The following SHPK variants were observed in gnomAD, a reference collection of about 807,000 sequenced individuals.
SHPK encodes the protein sedoheptulokinase, also known as carbohydrate kinase-like protein.
A neutral mutation model predicts 46.3 loss-of-function variants in SHPK; 51 were observed. The ratio of observed to expected loss-of-function variants is 1.10; its 90% CI spans 0.88 to 1.39. The LOEUF is 1.39. Ranked by LOEUF, SHPK falls within the 40% of genes most tolerant of loss-of-function variation. SHPK has a pLI of 0.00. For missense variants in SHPK, 668 were observed against 641.3 expected, an observed-to-expected ratio of 1.04 and a Z score of -0.45; for synonymous variants, 290 against 273.9, an observed-to-expected ratio of 1.06 and a Z score of -0.58.
At chr17:3,632,315 G>A (rs935457363) in intron 1 of SHPK, among the ~76,000 whole-genome samples, 10 of 152,182 alleles carry the variant, frequency 6.6e-5, no homozygotes, top group Admixed American at 2.0e-4. Context: ...TGGGCGCAGC[G>A]GCTCACGCCT....
Position 3,621,150 on chromosome 17 carries a change from CTG to C in SHPK, c.823+85_823+86del, listed in dbSNP as rs1052646741. 1.9e-5 allele frequency: 22 copies of C among 1,133,982 alleles called. No individual in the cohort carries two copies. In the African/African-American group the frequency reaches 3.3e-4, roughly 17 times the overall value. 70.2% of individuals were successfully genotyped at this position (1,133,982 alleles called of 1,614,324 possible). On this transcript the variant is annotated intron_variant, in intron 5 of 6. Transcript: ENST00000225519. ...AGCAGGATGCCAAGACTGCTAAGCT[CTG>C]TGTGCCCTGCAGACTCGCACAGAGC...
intron 1 of SHPK, among the ~76,000 whole-genome samples, chr17:3,635,751 C>G (rs186130275): frequency 6.6e-6 from 1 of 152,172 alleles, no homozygotes; most frequent in South Asian, 2.1e-4. Flanking sequence ...GAGATCAGTT[C>G]CTCCAAGGTC....
chr17:3,612,695 G>C (rs1346547295), intron 6 of SHPK, among the ~76,000 whole-genome samples: 1 of 151,790 alleles, frequency 6.6e-6, no homozygotes, highest in African/African-American at 2.4e-5. Context: ...CCTAGACCTA[G>C]GGCTTCTCCA....
chr17:3,619,463 G>A (rs542728562), intron 5 of SHPK: 37 of 1,147,034 alleles, frequency 3.2e-5, no homozygotes, highest in Admixed American at 2.3e-4. Context: ...GGCCGGGCAC[G>A]ATGGCTCACA....
In SHPK at chr17:3,609,223, A is replaced by T. The variant is rs2075320576; in HGVS notation, c.*1337T>A. The T allele has an allele frequency of 6.6e-6, 1 of 152,174 alleles. No homozygotes were observed. Among genetic ancestry groups the T allele is most frequent in the African/African-American group, 2.4e-5 (1 of 41,448 alleles). The allele number at this position is 152,174 out of a possible 1,614,324, so 9.4% of individuals were successfully genotyped here. A position where few individuals can be genotyped will look rare whatever the true frequency, so the allele number is the denominator to read the frequency against. ...TAGTATCTGACATTTGGCCAGAGTG[A>T]TCAGGCATTTGCTCTCATCTTAGAG... On this transcript the variant is annotated 3_prime_UTR_variant, in exon 7 of 7. Coordinates refer to ENST00000225519, the MANE Select transcript of SHPK (RefSeq NM_013276.4).
intron 1 of SHPK, among the ~76,000 whole-genome samples, chr17:3,635,619 G>A (rs1042303940): frequency 2.4e-4 from 37 of 152,198 alleles, no homozygotes; most frequent in Non-Finnish European, 4.4e-4. Context: ...GATTTCCGGA[G>A]GAAAACCCAG....
intron 4 of SHPK, among the ~76,000 whole-genome samples, chr17:3,621,757 A>T (rs1256115537): frequency 1.3e-5 from 2 of 151,466 alleles, no homozygotes; most frequent in Non-Finnish European, 2.9e-5. Context: ...GGTTCAAGCA[A>T]TTCTCCTGCC....
intron 6 of SHPK, among the ~76,000 whole-genome samples, chr17:3,612,143 A>G (rs1233738246): frequency 2.0e-5 from 3 of 151,918 alleles, no homozygotes; most frequent in African/African-American, 7.2e-5. Context: ...AAAAAAAAAA[A>G]AGGCCAAGCG....
At chr17:3,630,065 A>T in intron 2 of SHPK, 140 bp downstream of exon 2, 1 of 1,031,762 alleles carries the variant, frequency 9.7e-7, no homozygotes, top group Non-Finnish European at 1.5e-6. Flanking sequence ...AGGAGGCAGC[A>T]CGTATTCGTC....
At chr17:3,628,217 T>G (rs1488377477) in intron 2 of SHPK, among the ~76,000 whole-genome samples, 2 of 152,164 alleles carry the variant, frequency 1.3e-5, no homozygotes, top group Non-Finnish European at 2.9e-5. Context: ...GCTTAAAATG[T>G]TGATCTGTAG....
At chr17:3,621,500 CTCCAT>C (rs1278293840) in intron 4 of SHPK, 88 bp from the exon 5 acceptor site, 9 of 1,222,190 alleles carry the variant, frequency 7.4e-6, no homozygotes, top group African/African-American at 6.1e-5. Flanking sequence ...CCTTCCTTCT[CTCCAT>C]TCCTCCCTCC....
intron 2 of SHPK, among the ~76,000 whole-genome samples, chr17:3,628,557 G>A (rs1355705475): frequency 1.3e-5 from 2 of 152,014 alleles, no homozygotes; most frequent in South Asian, 2.1e-4. Flanking sequence ...TCCTGACCTC[G>A]TGATCTGCCC....
In SHPK at chr17:3,610,250, A is replaced by AGAT. The variant is rs2075328057; in HGVS notation, c.*307_*309dup. 3.2e-6 allele frequency: 1 copy of AGAT among 313,284 alleles called. No homozygotes were observed. Among genetic ancestry groups the AGAT allele is most frequent in the Non-Finnish European group, 6.1e-6 (1 of 165,214 alleles). 19.4% of individuals were successfully genotyped at this position (313,284 alleles called of 1,614,324 possible). A position where few individuals can be genotyped will look rare whatever the true frequency, so the allele number is the denominator to read the frequency against. On this transcript the variant is annotated 3_prime_UTR_variant, in exon 7 of 7. Transcript: ENST00000225519. ...TGCTCTCTGTCTACAGGTGAACCAC[A>AGAT]GATGAGCCTGCTGACCAGCAGGCTG... is the stretch of plus-strand genomic sequence containing the variant.
rs571235416 is a variant in SHPK at position 3,614,251 on chromosome 17, G to A, written c.1024+1086C>T. ...AAGAAATGCCTACATCAGGGCGAGC[G>A]CAGTGGCTCACGCCTGTAATCCCAG... On this transcript the variant is annotated intron_variant, in intron 6 of 6. Coordinates refer to ENST00000225519, the MANE Select transcript of SHPK (RefSeq NM_013276.4). Among the ~76,000 whole-genome samples the A allele has an allele frequency of 5.3e-5, 8 of 152,118 alleles. No homozygotes were observed. In the East Asian group the frequency reaches 5.8e-4, roughly 11 times the overall value.
intron 1 of SHPK, among the ~76,000 whole-genome samples, chr17:3,635,035 G>A (rs1441054308): frequency 1.3e-5 from 2 of 151,836 alleles, no homozygotes; most frequent in South Asian, 2.1e-4. Context: ...AGCCGGGCGC[G>A]GTGGCTCACA....
intron 1 of SHPK, among the ~76,000 whole-genome samples, chr17:3,633,755 G>A (rs866740627): frequency 2.9e-4 from 44 of 152,184 alleles, no homozygotes; most frequent in Middle Eastern, 6.8e-3. Flanking sequence ...CCACCACCCC[G>A]TCTGGGTAGT....
chr17:3,633,619 T>C (rs1319919813), intron 1 of SHPK, among the ~76,000 whole-genome samples: 2 of 151,960 alleles, frequency 1.3e-5, no homozygotes, highest in African/African-American at 2.4e-5. Flanking sequence ...TAAATAGGTG[T>C]GACACACTGG....
In SHPK at chr17:3,610,582, T is replaced by G. The variant is rs779907711; in HGVS notation, c.1415A>C (p.His472Pro). 6 of 1,601,300 alleles carry G rather than the reference T, an allele frequency of 3.7e-6. No individual in the cohort carries two copies. Among genetic ancestry groups the G allele is most frequent in the Non-Finnish European group, 5.1e-6 (6 of 1,169,784 alleles). ...VGAALVMLRR[H>P]LNQKES ...TGTCTAAGATTCCTTCTGGTTGAGG[T>G]GTCTCCGGAGCATGACCAGAGCTGC... The change falls in exon 7 of 7, where the codon CAC becomes CCC. Residue 472 changes from histidine (H) to proline (P), a missense_variant. Coordinates refer to ENST00000225519, the MANE Select transcript of SHPK (RefSeq NM_013276.4).
intron 5 of SHPK, among the ~76,000 whole-genome samples, chr17:3,620,292 G>A (rs2075392288): frequency 6.7e-6 from 1 of 149,940 alleles, no homozygotes; most frequent in African/African-American, 2.5e-5. Flanking sequence ...ACAGAGTCTT[G>A]CTCTGTCGCC....
Sources: gnomAD v4.1 joint callset for allele counts (sites outside exome capture counted in the v4.1 genomes callset) on GRCh38, gnomAD v4.1.1 for gene constraint, MANE v1.5 for transcripts, NCBI Gene and HGNC (gene_info 2026-07-23, HGNC 2026-07-21) for gene names.